ASTN2: variants seen among roughly 807,000 people sequenced by gnomAD.
ASTN2 encodes the protein astrotactin-2.
In ASTN2, 54 loss-of-function variants were observed where a neutral mutation model predicts 139.8. The ratio of observed to expected loss-of-function variants is 0.39; its 90% CI spans 0.31 to 0.48. The LOEUF (loss-of-function observed/expected upper bound fraction) is 0.48. Ranked by LOEUF, ASTN2 falls within the 20% of genes least tolerant of loss-of-function variation. The probability of loss-of-function intolerance (pLI) is 0.95; values close to 1 mark genes in which losing one functional copy is unlikely to be tolerated. For synonymous variants in ASTN2, 756 were observed against 719.5 expected (o/e 1.05, Z -0.81); for missense variants, 1,565 against 1,725.1 (o/e 0.91, Z 1.64).
intron 2 of ASTN2, among the ~76,000 whole-genome samples, chr9:117,271,829 C>A (rs922001451): frequency 2.0e-5 from 3 of 152,232 alleles, no homozygotes; most frequent in African/African-American, 7.2e-5. Context: ...ACGTCTTGGG[C>A]AGCTCCACCC....
chr9:116,689,846 C>G (rs1349286464), intron 16 of ASTN2, among the ~76,000 whole-genome samples: 5 of 152,094 alleles, frequency 3.3e-5, no homozygotes, highest in African/African-American at 1.2e-4. Flanking sequence ...GTGCAACGGA[C>G]TATAGGGTGA....
chr9:116,897,500 C>T (rs932933540), intron 10 of ASTN2, among the ~76,000 whole-genome samples: 1 of 152,174 alleles, frequency 6.6e-6, no homozygotes, highest in African/African-American at 2.4e-5. Flanking sequence ...TTTTCAAGTG[C>T]TTGAACATAC....
chr9:117,368,789 A>T (rs998970641), intron 1 of ASTN2, among the ~76,000 whole-genome samples: 1 of 152,200 alleles, frequency 6.6e-6, no homozygotes, highest in African/African-American at 2.4e-5. Flanking sequence ...TAAATATAAA[A>T]ATCCCATTAT....
intron 20 of ASTN2, among the ~76,000 whole-genome samples, chr9:116,449,065 C>G (rs907579431): frequency 6.6e-6 from 1 of 152,166 alleles, no homozygotes; most frequent in South Asian, 2.1e-4. Flanking sequence ...ATCCTTATGA[C>G]CTTAGGCAAG....
intron 4 of ASTN2, among the ~76,000 whole-genome samples, chr9:117,110,460 G>T (rs1325978703): frequency 6.6e-6 from 1 of 152,062 alleles, no homozygotes; most frequent in Non-Finnish European, 1.5e-5. Context: ...TGATGATGAT[G>T]ATAAAATAAT....
chr9:116,681,298 C>G (rs569302209), intron 16 of ASTN2, among the ~76,000 whole-genome samples: 1 of 152,202 alleles, frequency 6.6e-6, no homozygotes, highest in South Asian at 2.1e-4. Context: ...AATAAAATAC[C>G]TAAGAATCCA....
chr9:117,201,472 A>C (rs910968725), intron 3 of ASTN2, among the ~76,000 whole-genome samples: 19 of 152,126 alleles, frequency 1.2e-4, no homozygotes, highest in Non-Finnish European at 2.6e-4. Flanking sequence ...TGATGTGGGC[A>C]TTTAGTGCTA....
At chr9:116,512,589 G>A (rs1850444654) in intron 19 of ASTN2, among the ~76,000 whole-genome samples, 1 of 152,140 alleles carries the variant, frequency 6.6e-6, no homozygotes, top group African/African-American at 2.4e-5. Flanking sequence ...TCTGTCTAAT[G>A]TTGACAGTGG....
At chr9:116,557,081 G>A (rs1269657738) in intron 19 of ASTN2, among the ~76,000 whole-genome samples, 2 of 151,624 alleles carry the variant, frequency 1.3e-5, no homozygotes, top group African/African-American at 4.8e-5. Context: ...AATATTAGCC[G>A]GGCGTGGTGG....
intron 13 of ASTN2, among the ~76,000 whole-genome samples, chr9:116,777,398 T>C (rs1029649010): frequency 2.6e-5 from 4 of 152,160 alleles, no homozygotes; most frequent in African/African-American, 4.8e-5. Flanking sequence ...TATAAGGAAC[T>C]GAAGGTCAGA....
chr9:116,752,902 T>C (rs1221813647), intron 13 of ASTN2, among the ~76,000 whole-genome samples: 2 of 151,866 alleles, frequency 1.3e-5, no homozygotes, highest in African/African-American at 4.8e-5. Context: ...ACAGAAAGAG[T>C]TAATTGCTGG....
chr9:116,984,045 T>C (rs1460545554), intron 7 of ASTN2, among the ~76,000 whole-genome samples: 1 of 152,224 alleles, frequency 6.6e-6, no homozygotes. Flanking sequence ...TACATCTCTA[T>C]AAGTAATGGT....
chr9:116,818,589 G>T (rs374042724), intron 12 of ASTN2, among the ~76,000 whole-genome samples: 3 of 152,028 alleles, frequency 2.0e-5, no homozygotes, highest in Non-Finnish European at 4.4e-5. Context: ...TCTTTAAGAC[G>T]CTCACAGTCC....
intron 19 of ASTN2, chr9:116,552,220 T>G (rs1046593456): frequency 5.9e-5 from 9 of 152,172 alleles, no homozygotes; most frequent in African/African-American, 2.2e-4. Flanking sequence ...AGGTGTTTTT[T>G]TAGTTAACTT....
At chr9:117,190,244 T>G (rs892645586) in intron 3 of ASTN2, among the ~76,000 whole-genome samples, 1 of 152,216 alleles carries the variant, frequency 6.6e-6, no homozygotes, top group Non-Finnish European at 1.5e-5. Context: ...TGAATTTCTA[T>G]GTGAAATTTT....
chr9:117,124,467 T>G (rs1829636572), intron 4 of ASTN2, among the ~76,000 whole-genome samples: 1 of 152,022 alleles, frequency 6.6e-6, no homozygotes, highest in Non-Finnish European at 1.5e-5. Flanking sequence ...CTGGATAAAA[T>G]CTCCCATAAC....
intron 13 of ASTN2, among the ~76,000 whole-genome samples, chr9:116,735,050 C>A (rs1360007479): frequency 6.6e-6 from 1 of 152,178 alleles, no homozygotes; most frequent in African/African-American, 2.4e-5. Context: ...ATATTATTAT[C>A]TTTAAGTTGC....
chr9:116,519,912 T>C (rs1297302547), intron 19 of ASTN2, among the ~76,000 whole-genome samples: 1 of 152,058 alleles, frequency 6.6e-6, no homozygotes, highest in Non-Finnish European at 1.5e-5. Context: ...CTAGAGGAGA[T>C]GGATAAATTC....
intron 4 of ASTN2, among the ~76,000 whole-genome samples, chr9:117,122,254 A>G (rs1025619009): frequency 6.6e-6 from 1 of 152,210 alleles, no homozygotes; most frequent in African/African-American, 2.4e-5. Context: ...AGAAGTCATG[A>G]GCTGGTTCTG....
Sources: allele counts gnomAD v4.1 joint callset (sites outside exome capture counted in the v4.1 genomes callset), GRCh38; gene constraint gnomAD v4.1.1; transcripts MANE v1.5; gene names NCBI Gene and HGNC (gene_info 2026-07-23, HGNC 2026-07-21).